Variants in CUBN observed in about 807,000 individuals in gnomAD.
CUBN encodes cubilin.
In CUBN, 282 loss-of-function variants were observed where a neutral mutation model predicts 405.3. The ratio of observed to expected loss-of-function variants is 0.70; its 90% CI spans 0.63 to 0.77. The LOEUF is 0.77. Among genes scored for constraint, CUBN ranks in the 30% least tolerant of loss-of-function variants. The pLI, the probability that CUBN is intolerant of heterozygous loss-of-function variation, is 0.00. For missense variants in CUBN, 4,514 were observed against 4,475.2 expected (o/e 1.01, Z -0.25); for synonymous variants, 1,684 against 1,617.0 (o/e 1.04, Z -0.99).
Position 16,916,028 on chromosome 10 carries a change from G to A in CUBN, c.7003C>T (p.Gln2335Ter), listed in dbSNP as rs1309189611. Residue 2335 changes from glutamine (Q) to a stop codon, truncating the protein, a stop_gained and splice_region_variant, in exon 46 of 67, where the codon CAG becomes TAG. Transcript: ENST00000377833. LOFTEE classifies it high-confidence loss of function. The part of the protein sequence containing the change: ...VGFKAKYSIA[Q>*]CGGRVPGQSG... Reference sequence around the variant, plus strand: ...TGCCCTGGTACTCTTCCCCCACACTGAGCTGCAAAAAATAAAAATAAATAA... The same window carrying A: ...TGCCCTGGTACTCTTCCCCCACACTAAGCTGCAAAAAATAAAAATAAATAA... 2 of 1,611,952 alleles carry A rather than the reference G, an allele frequency of 1.2e-6. No individual in the cohort carries two copies. The highest frequency in any genetic ancestry group is 1.7e-6 in the Non-Finnish European group (2 of 1,179,220).
At chr10:17,111,112 A>T in intron 8 of CUBN, 62 bp from the exon 9 acceptor site, 1 of 1,575,258 alleles carries the variant, frequency 6.3e-7, no homozygotes, top group Non-Finnish European at 8.7e-7. Context: ...GAAGAAATAC[A>T]AGAGTCAAAA....
chr10:16,972,299 C>T (rs74116789), intron 31 of CUBN, among the ~76,000 whole-genome samples: 32,725 of 152,028 alleles, frequency 0.22, 3,833 homozygotes, highest in African/African-American at 0.29. Context: ...CAGAAATTAT[C>T]CTCAATTGTA....
intron 22 of CUBN, among the ~76,000 whole-genome samples, chr10:17,058,098 G>A (rs556026634): frequency 2.0e-5 from 3 of 151,924 alleles, no homozygotes; most frequent in East Asian, 1.9e-4. Context: ...CTCCAGCCTG[G>A]GTGACAGAGA....
chr10:17,020,332 T>A (rs1201643076), intron 27 of CUBN, among the ~76,000 whole-genome samples: 1 of 152,218 alleles, frequency 6.6e-6, no homozygotes, highest in Non-Finnish European at 1.5e-5. Flanking sequence ...GAATAGCAGC[T>A]ATTATAATTG....
At chr10:16,954,195 G>A (rs961364261) in intron 32 of CUBN, among the ~76,000 whole-genome samples, 194 bp downstream of exon 32, 2 of 152,218 alleles carry the variant, frequency 1.3e-5, no homozygotes, top group Non-Finnish European at 2.9e-5. Flanking sequence ...TCCAAAGGAA[G>A]TCAGAGAAGG....
intron 40 of CUBN, among the ~76,000 whole-genome samples, chr10:16,928,570 C>T (rs942818343): frequency 6.8e-5 from 8 of 117,286 alleles, no homozygotes; most frequent in Non-Finnish European, 1.1e-4. Flanking sequence ...TCCTCTGTTG[C>T]GCAGGCTGGA....
chr10:16,906,545 T>G, intron 49 of CUBN, 136 bp from the exon 50 acceptor site: 2 of 722,074 alleles, frequency 2.8e-6, no homozygotes, highest in South Asian at 3.2e-5. Context: ...GTCAAGCTTA[T>G]GGGTAAAAGG....
chr10:17,074,511 C>A (rs1055244332), intron 17 of CUBN, among the ~76,000 whole-genome samples: 1 of 152,166 alleles, frequency 6.6e-6, no homozygotes. Flanking sequence ...CTCTATTTTA[C>A]ATATTAAGCG....
chr10:16,847,037 C>T (rs937529416), intron 60 of CUBN, among the ~76,000 whole-genome samples: 2 of 152,100 alleles, frequency 1.3e-5, no homozygotes, highest in Non-Finnish European at 2.9e-5. Context: ...TCTAGAAAGC[C>T]TTTCCTAGCC....
chr10:17,043,283 T>G (rs1039792598), intron 26 of CUBN, among the ~76,000 whole-genome samples: 1 of 152,194 alleles, frequency 6.6e-6, no homozygotes, highest in African/African-American at 2.4e-5. Context: ...AAATGGCATC[T>G]GTACAATGGC....
chr10:16,945,857 G>T (rs1842764796), intron 36 of CUBN, among the ~76,000 whole-genome samples: 1 of 151,452 alleles, frequency 6.6e-6, no homozygotes, highest in Admixed American at 6.6e-5. Context: ...TGCAGAGGGT[G>T]TCTTTGTTTT....
At chr10:17,048,070 C>G (rs1487499069) in intron 22 of CUBN, among the ~76,000 whole-genome samples, 1 of 152,230 alleles carries the variant, frequency 6.6e-6, no homozygotes, top group African/African-American at 2.4e-5. Flanking sequence ...TCAGAGTGAT[C>G]TCGAATGAAA....
chr10:16,878,126 A>G (rs1840565894), intron 56 of CUBN, among the ~76,000 whole-genome samples: 1 of 152,200 alleles, frequency 6.6e-6, no homozygotes, highest in Non-Finnish European at 1.5e-5. Flanking sequence ...TGTCTCTACT[A>G]AAAATACAAA....
intron 28 of CUBN, among the ~76,000 whole-genome samples, chr10:17,004,234 C>T (rs1833959373): frequency 6.6e-6 from 1 of 152,228 alleles, no homozygotes; most frequent in Admixed American, 6.5e-5. Context: ...TAGTTTTCTA[C>T]ACCTGCTTCC....
chr10:17,108,184 C>A (rs1836681508), intron 10 of CUBN, among the ~76,000 whole-genome samples: 1 of 152,052 alleles, frequency 6.6e-6, no homozygotes, highest in Non-Finnish European at 1.5e-5. Flanking sequence ...TCTGAAGCAC[C>A]CTGAGGTAGG....
chr10:16,945,976 T>G (rs1842768079), intron 36 of CUBN, among the ~76,000 whole-genome samples: 1 of 152,126 alleles, frequency 6.6e-6, no homozygotes, highest in South Asian at 2.1e-4. Context: ...GTCCCATATT[T>G]TTAATCAGTT....
At chr10:16,956,646 T>C (rs1413562854) in intron 31 of CUBN, among the ~76,000 whole-genome samples, 2 of 152,124 alleles carry the variant, frequency 1.3e-5, no homozygotes, top group Non-Finnish European at 2.9e-5. Flanking sequence ...CCTAAGCTTG[T>C]AGTAATATTC....
intron 27 of CUBN, among the ~76,000 whole-genome samples, chr10:17,030,301 C>A (rs1834761516): frequency 6.6e-6 from 1 of 151,738 alleles, no homozygotes; most frequent in African/African-American, 2.4e-5. Flanking sequence ...ACCCCCGGTC[C>A]GTGGAAAAAC....
At chr10:16,980,309 A>G (rs1313621062) in intron 31 of CUBN, among the ~76,000 whole-genome samples, 1 of 152,224 alleles carries the variant, frequency 6.6e-6, no homozygotes, top group African/African-American at 2.4e-5. Context: ...TAGAACCAGT[A>G]ATACCATTTG....
Sources: allele counts gnomAD v4.1 joint callset (sites outside exome capture counted in the v4.1 genomes callset), GRCh38; gene constraint gnomAD v4.1.1; transcripts MANE v1.5; gene names NCBI Gene and HGNC (gene_info 2026-07-23, HGNC 2026-07-21).